Variants in LRMDA observed in about 807,000 individuals in gnomAD.
LRMDA encodes the protein leucine rich melanocyte differentiation associated, also known as leucine-rich melanocyte differentiation-associated protein.
In LRMDA, 18 loss-of-function variants were observed where a neutral mutation model predicts 29.8. The ratio of observed to expected loss-of-function variants is 0.60; its 90% CI spans 0.42 to 0.90. The LOEUF (loss-of-function observed/expected upper bound fraction) is 0.90. LRMDA is among the 40% of genes least tolerant of loss of function. The pLI is 0.00. For synonymous variants in LRMDA, 125 were observed against 109.4 expected, an observed-to-expected ratio of 1.14 and a Z score of -0.89; for missense variants, 273 against 273.9, an observed-to-expected ratio of 1.00 and a Z score of 0.02.
At chr10:76,174,417 T>C (rs1333503739) in intron 5 of LRMDA, among the ~76,000 whole-genome samples, 1 of 152,216 alleles carries the variant, frequency 6.6e-6, no homozygotes. Flanking sequence ...TTCAATAATA[T>C]GTAGAAATAA....
At chr10:75,820,864 A>G (rs1844145367) in intron 2 of LRMDA, among the ~76,000 whole-genome samples, 1 of 152,218 alleles carries the variant, frequency 6.6e-6, no homozygotes, top group African/African-American at 2.4e-5. Flanking sequence ...ACAAAAGATC[A>G]CCAGAGACTA....
chr10:75,520,903 C>T (rs1030586628), intron 2 of LRMDA, among the ~76,000 whole-genome samples: 1 of 152,066 alleles, frequency 6.6e-6, no homozygotes, highest in Non-Finnish European at 1.5e-5. Context: ...GATGCTATTC[C>T]CCTTTCTGTT....
rs570780412 is a variant in LRMDA, at chr10:76,517,871, G to A, written c.602-39338G>A. Among the ~76,000 whole-genome samples the A allele has an allele frequency of 2.3e-3, 338 of 149,842 alleles. 2 individuals are homozygous for A. The highest frequency in any genetic ancestry group is 6.9e-3 in the Middle Eastern group (2 of 288). ...TCAGCAATTTGTGATATATTTTCACGAATCACCGCCAAAAAAAAGAGTGTT... is the reference window on the plus strand; with the variant it reads ...TCAGCAATTTGTGATATATTTTCACAAATCACCGCCAAAAAAAAGAGTGTT... On this transcript the variant is annotated intron_variant, in intron 6 of 6. Transcript: ENST00000611255.
chr10:76,194,444 G>T (rs1032943164), intron 5 of LRMDA, among the ~76,000 whole-genome samples: 1 of 152,122 alleles, frequency 6.6e-6, no homozygotes, highest in African/African-American at 2.4e-5. Flanking sequence ...AGGATGAAGA[G>T]AGAAAGGAAT....
At chr10:75,826,086 TATAAC>T (rs1036637917) in intron 2 of LRMDA, among the ~76,000 whole-genome samples, 2 of 152,156 alleles carry the variant, frequency 1.3e-5, no homozygotes, top group African/African-American at 2.4e-5. Context: ...GGTTCATTCT[TATAAC>T]ATAGGTGGAA....
chr10:75,930,652 A>G (rs767812425), intron 2 of LRMDA, among the ~76,000 whole-genome samples: 1 of 152,126 alleles, frequency 6.6e-6, no homozygotes, highest in Non-Finnish European at 1.5e-5. Context: ...TCAATAAGCC[A>G]TTTGTCAAAG....
chr10:75,559,304 G>A (rs1245642288), intron 2 of LRMDA, among the ~76,000 whole-genome samples: 2 of 150,368 alleles, frequency 1.3e-5, no homozygotes, highest in Non-Finnish European at 3.0e-5. Flanking sequence ...ATTTTTTCAT[G>A]TGTTTTTTGG....
chr10:75,477,022 C>A (rs1423548776), intron 2 of LRMDA, among the ~76,000 whole-genome samples: 1 of 151,244 alleles, frequency 6.6e-6, no homozygotes, highest in Non-Finnish European at 1.5e-5. Context: ...GCATGATCTC[C>A]TTCTATCTCT....
At position 76,313,450 on chromosome 10, in the gene LRMDA, A is replaced by T. The variant is rs139523621; in HGVS notation, c.517-10951A>T. Among the ~76,000 whole-genome samples, 127 of 152,336 alleles carry T rather than the reference A, an allele frequency of 8.3e-4. 3 individuals carry two copies. In the East Asian group the frequency reaches 0.023, roughly 28 times the overall value. ...AGATGGAGCCTGGCTCTAAATCTTG[A>T]TCAATAAGGCATCAGAGCACAGAAA... On this transcript the variant is annotated intron_variant, in intron 5 of 6. Coordinates refer to ENST00000611255, the MANE Select transcript of LRMDA (RefSeq NM_001305581.2).
chr10:75,936,284 A>G (rs541153607), intron 2 of LRMDA, among the ~76,000 whole-genome samples: 2 of 152,248 alleles, frequency 1.3e-5, no homozygotes, highest in African/African-American at 4.8e-5. Context: ...GACCTGGGTC[A>G]TTGTTTACTA....
intron 5 of LRMDA, among the ~76,000 whole-genome samples, chr10:76,089,647 C>G (rs908289147): frequency 3.9e-5 from 6 of 152,108 alleles, no homozygotes; most frequent in Non-Finnish European, 8.8e-5. Flanking sequence ...TTCGGCAGAG[C>G]CTTTCCCTTC....
At chr10:75,750,040 A>G (rs1842935923) in intron 2 of LRMDA, among the ~76,000 whole-genome samples, 1 of 152,204 alleles carries the variant, frequency 6.6e-6, no homozygotes, top group Admixed American at 6.5e-5. Flanking sequence ...CTACACAGAC[A>G]CTGTAACAAT....
chr10:76,405,811 C>G (rs565769911), intron 6 of LRMDA, among the ~76,000 whole-genome samples: 1 of 152,180 alleles, frequency 6.6e-6, no homozygotes, highest in African/African-American at 2.4e-5. Flanking sequence ...CCTCAGCCCC[C>G]GTGCGTTCCT....
intron 5 of LRMDA, among the ~76,000 whole-genome samples, chr10:76,167,637 GC>G (rs1290117555): frequency 6.6e-6 from 1 of 152,072 alleles, no homozygotes; most frequent in African/African-American, 2.4e-5. Context: ...CTAGTGCTAG[GC>G]TGTTTTCATT....
chr10:75,667,294 T>TTTAAA (rs1407642912), intron 2 of LRMDA, among the ~76,000 whole-genome samples: 10 of 152,038 alleles, frequency 6.6e-5, no homozygotes, highest in East Asian at 3.9e-4. Context: ...TGGGACTTAG[T>TTTAAA]TTAAATTAAA....
intron 2 of LRMDA, among the ~76,000 whole-genome samples, chr10:75,585,253 AT>A (rs1201742165): frequency 1.3e-5 from 2 of 152,224 alleles, no homozygotes; most frequent in African/African-American, 4.8e-5. Flanking sequence ...ATCATATAGC[AT>A]ATTGCTCAAA....
intron 2 of LRMDA, among the ~76,000 whole-genome samples, chr10:75,951,547 G>A (rs976623410): frequency 5.9e-5 from 9 of 152,174 alleles, no homozygotes; most frequent in Admixed American, 5.2e-4. Flanking sequence ...AGACCTGGAC[G>A]GCACTGCCAT....
chr10:76,148,561 A>G (rs1850377035), intron 5 of LRMDA, among the ~76,000 whole-genome samples: 1 of 152,210 alleles, frequency 6.6e-6, no homozygotes, highest in Non-Finnish European at 1.5e-5. Context: ...TTAGGGTGGG[A>G]GTGACCCGAT....
intron 2 of LRMDA, among the ~76,000 whole-genome samples, chr10:75,745,665 A>G (rs1470045056): frequency 6.6e-6 from 1 of 152,192 alleles, no homozygotes; most frequent in African/African-American, 2.4e-5. Context: ...AATATTATTG[A>G]TTAAAACTCC....
Sources: gnomAD v4.1 joint callset for allele counts (sites outside exome capture counted in the v4.1 genomes callset) on GRCh38, gnomAD v4.1.1 for gene constraint, MANE v1.5 for transcripts, NCBI Gene and HGNC (gene_info 2026-07-23, HGNC 2026-07-21) for gene names.